The following PTPRN2 variants were observed in gnomAD, a reference collection of about 807,000 sequenced individuals.
PTPRN2 encodes protein tyrosine phosphatase receptor type N2.
A neutral mutation model predicts 118.8 loss-of-function variants in PTPRN2; 74 were observed. The observed-to-expected ratio is 0.62, with a 90% CI of 0.52 to 0.76. PTPRN2 has a LOEUF of 0.76. Ranked by LOEUF, PTPRN2 falls within the 30% of genes least tolerant of loss-of-function variation. The probability of loss-of-function intolerance (pLI) is 0.00; values close to 1 mark genes in which losing one functional copy is unlikely to be tolerated. For missense variants in PTPRN2, 1,481 were observed against 1,394.4 expected (o/e 1.06, Z -0.99); for synonymous variants, 641 against 608.0 (o/e 1.05, Z -0.80).
At chr7:157,862,974 C>T (rs558269322) in intron 12 of PTPRN2, 155 of 152,344 alleles carry the variant, frequency 1.0e-3, no homozygotes, top group African/African-American at 3.6e-3. Context: ...GCCCAGAGCT[C>T]GGACGGCACC....
intron 14 of PTPRN2, among the ~76,000 whole-genome samples, chr7:157,621,936 G>T (rs1050103077): frequency 6.6e-6 from 1 of 152,034 alleles, no homozygotes; most frequent in Non-Finnish European, 1.5e-5. Flanking sequence ...GAGAGACTGG[G>T]CTGCTCTGAT....
chr7:157,603,416 C>T lies in PTPRN2; in HGVS notation c.2418+586G>A, dbSNP rs1235404153. On this transcript the variant is annotated intron_variant, in intron 16 of 22. Transcript: ENST00000389418. This position sits in a 1 kb window ranked among gnomAD's most constrained non-coding sequence, Gnocchi z 5.4. ...ACAGGCCACAGGGACTCATAACTCACGGCACAGGAGCTGCCACCACACTCG... is the reference window on the plus strand; with the variant it reads ...ACAGGCCACAGGGACTCATAACTCATGGCACAGGAGCTGCCACCACACTCG... Among the ~76,000 whole-genome samples the T allele has an allele frequency of 2.6e-5, 4 of 152,178 alleles. No individual in the cohort carries two copies. The highest frequency in any genetic ancestry group is 1.9e-4 in the East Asian group (1 of 5,196).
At chr7:158,554,281 A>G (rs1240296233) in intron 1 of PTPRN2, among the ~76,000 whole-genome samples, 1 of 152,198 alleles carries the variant, frequency 6.6e-6, no homozygotes, top group East Asian at 1.9e-4. Flanking sequence ...CAACAACAAG[A>G]AAAACAGAGA....
At position 158,133,675 on chromosome 7, in the gene PTPRN2, ACT is replaced by A; in HGVS notation, c.1556_1556+1del. On this transcript the variant is annotated splice_donor_variant and coding_sequence_variant, in exon 9 of 23. Coordinates refer to ENST00000389418, the MANE Select transcript of PTPRN2 (RefSeq NM_002847.5). LOFTEE classifies it high-confidence loss of function. ...AGGAGCTTAGCCAGGGCTGCTACTC[ACT>A]CTCTGTCTGTCACGATGTAGCCCCG... 3.8e-6 allele frequency: 6 copies of A among 1,565,378 alleles called. No homozygotes were observed. The highest frequency in any genetic ancestry group is 3.5e-5 in the South Asian group (3 of 85,622).
intron 10 of PTPRN2, among the ~76,000 whole-genome samples, chr7:158,109,266 CT>C (rs1231336940): frequency 6.8e-6 from 1 of 147,124 alleles, no homozygotes. Context: ...AATGACATAA[CT>C]CCTGAGTGAA....
intron 12 of PTPRN2, among the ~76,000 whole-genome samples, chr7:157,721,535 G>A (rs576651751): frequency 1.8e-4 from 28 of 152,328 alleles, no homozygotes; most frequent in Admixed American, 8.5e-4. Context: ...CGAGCCCAGC[G>A]TCCCACCAGC....
chr7:158,296,043 G>T (rs755664868), intron 3 of PTPRN2, among the ~76,000 whole-genome samples: 3 of 152,198 alleles, frequency 2.0e-5, no homozygotes, highest in African/African-American at 4.8e-5. Context: ...GGAGAAGGGC[G>T]GGTCTCTGGC....
intron 1 of PTPRN2, chr7:158,539,676 C>CG (rs1825860877): frequency 4.1e-6 from 1 of 243,280 alleles, no homozygotes; most frequent in Admixed American, 5.5e-5. Flanking sequence ...CGCCGAGTCC[C>CG]GGGTCCTGAG....
In PTPRN2 at chr7:157,615,092, G is replaced by A. The variant is rs190177307; in HGVS notation, c.2344+6270C>T. Among the ~76,000 whole-genome samples, 2 of 152,338 alleles carry A rather than the reference G, an allele frequency of 1.3e-5. No individual in the cohort carries two copies. Among genetic ancestry groups the A allele is most frequent in the Admixed American group, 6.5e-5 (1 of 15,304 alleles). ...TGACGCCTGATACTTACTTGAAGTC[G>A]TCCAGCCAGAAAATAAATGAAGTGC... On this transcript the variant is annotated intron_variant, in intron 15 of 22. Coordinates refer to ENST00000389418, the MANE Select transcript of PTPRN2 (RefSeq NM_002847.5). This position sits in a 1 kb window ranked among gnomAD's most constrained non-coding sequence, Gnocchi z 4.3.
At chr7:157,877,659 T>G (rs1468579997) in intron 12 of PTPRN2, among the ~76,000 whole-genome samples, 1 of 152,080 alleles carries the variant, frequency 6.6e-6, no homozygotes, top group Admixed American at 6.6e-5. Flanking sequence ...GCCCGGGTCT[T>G]GGTGGGTGGT....
rs559876709 is a variant in PTPRN2 at position 157,749,720 on chromosome 7, G to GT, written c.1789-66784dup. Among the ~76,000 whole-genome samples the GT allele has an allele frequency of 5.0e-4, 70 of 139,842 alleles. 1 individual carries two copies. The highest frequency in any genetic ancestry group is 8.3e-4 in the Non-Finnish European group (54 of 64,804). 91.7% of individuals were successfully genotyped at this position (139,842 alleles called of 152,430 possible). On this transcript the variant is annotated intron_variant, in intron 12 of 22. Coordinates refer to ENST00000389418, the MANE Select transcript of PTPRN2 (RefSeq NM_002847.5). ...ATTCTGAGGCCTGTGTCCCTGAGCTGTGAGCTGCCCGGGTGATTCTGAGGC... is the reference window on the plus strand; with the variant it reads ...ATTCTGAGGCCTGTGTCCCTGAGCTGTTGAGCTGCCCGGGTGATTCTGAGGC...
In PTPRN2 at chr7:157,972,232, G is replaced by A. The variant is rs562419985; in HGVS notation, c.1724-73495C>T. The stretch of plus-strand genomic sequence containing the variant: ...GCATGCCAAGGTCCTAACGAAAATC[G>A]TGTCAAAACTCACGTCAGTCATTCT... On this transcript the variant is annotated intron_variant, in intron 11 of 22. Transcript: ENST00000389418. 2.6e-4 allele frequency among the ~76,000 whole-genome samples: 40 copies of A among 152,304 alleles called. No individual in the cohort carries two copies. The Middle Eastern group carries it at 0.01, about 39-fold the overall frequency.
chr7:158,004,594 C>A (rs1320490253), intron 11 of PTPRN2, among the ~76,000 whole-genome samples: 3 of 152,186 alleles, frequency 2.0e-5, no homozygotes, highest in Non-Finnish European at 1.5e-5. Flanking sequence ...ACTTTCCTGA[C>A]AGTTTCATTT....
At chr7:158,047,219 G>C (rs1356045570) in intron 11 of PTPRN2, among the ~76,000 whole-genome samples, 1 of 152,236 alleles carries the variant, frequency 6.6e-6, no homozygotes, top group African/African-American at 2.4e-5. Context: ...GGTTTAGCAG[G>C]GAAGAAGCAC....
At chr7:157,809,700 G>A (rs940187514) in intron 12 of PTPRN2, among the ~76,000 whole-genome samples, 13 of 152,194 alleles carry the variant, frequency 8.5e-5, no homozygotes, top group African/African-American at 2.9e-4. Flanking sequence ...ATTGCCAGGA[G>A]CCACAGAGAG....
intron 11 of PTPRN2, among the ~76,000 whole-genome samples, chr7:158,025,516 C>T (rs1352156620): frequency 6.6e-6 from 1 of 152,162 alleles, no homozygotes; most frequent in African/African-American, 2.4e-5. Context: ...TGTGGGAACA[C>T]AACTGCTTAT....
At chr7:157,897,244 C>T (rs1012762452) in intron 12 of PTPRN2, among the ~76,000 whole-genome samples, 3 of 152,230 alleles carry the variant, frequency 2.0e-5, no homozygotes, top group African/African-American at 7.2e-5. Context: ...ACGCAGGAGA[C>T]GCACCTCCGA....
chr7:158,268,922 G>A lies in PTPRN2; in HGVS notation c.277+47897C>T, dbSNP rs562955100. ...GAGTGGGGTGTGAAATATCCCAGCC[G>A]CGTGCACACAGGGCGGGTGTGAAAT... On this transcript the variant is annotated intron_variant, in intron 3 of 22. Coordinates refer to ENST00000389418, the MANE Select transcript of PTPRN2 (RefSeq NM_002847.5). Among the ~76,000 whole-genome samples, 50 of 151,110 alleles carry A rather than the reference G, an allele frequency of 3.3e-4. 1 individual carries two copies. Among genetic ancestry groups the A allele is most frequent in the African/African-American group, 9.5e-4 (39 of 41,130 alleles).
intron 5 of PTPRN2, among the ~76,000 whole-genome samples, chr7:158,190,801 C>T (rs1454284907): frequency 6.6e-6 from 1 of 152,278 alleles, no homozygotes; most frequent in Non-Finnish European, 1.5e-5. Flanking sequence ...AGCATCAGGG[C>T]TCTGTTTGGC....
Sources: gnomAD v4.1 joint callset for allele counts (sites outside exome capture counted in the v4.1 genomes callset) on GRCh38, gnomAD v4.1.1 for gene constraint, Gnocchi (gnomAD v3.1) non-coding constraint, MANE v1.5 for transcripts, NCBI Gene and HGNC (gene_info 2026-07-23, HGNC 2026-07-21) for gene names.